Variants in NEK11 observed in about 807,000 individuals in gnomAD.
NEK11 encodes the protein NIMA related kinase 11.
Under a neutral mutation model 80.7 loss-of-function variants are expected in NEK11, and 72 were observed. The observed-to-expected ratio is 0.89, with a 90% CI of 0.74 to 1.08. The LOEUF (loss-of-function observed/expected upper bound fraction) is 1.08. Among genes scored for constraint, NEK11 ranks in the 50% least tolerant of loss-of-function variants. The pLI is 0.00. For synonymous variants in NEK11, 251 were observed against 260.7 expected (o/e 0.96, Z 0.36); for missense variants, 764 against 763.6 (o/e 1.00, Z -0.01).
chr3:131,121,260 C>G (rs980249727), intron 5 of NEK11, among the ~76,000 whole-genome samples: 2 of 152,126 alleles, frequency 1.3e-5, no homozygotes, highest in African/African-American at 2.4e-5. Context: ...CATTGCAGAC[C>G]CTGTTTGCCT....
chr3:131,181,051 G>A (rs1270954893), intron 14 of NEK11, among the ~76,000 whole-genome samples: 1 of 152,190 alleles, frequency 6.6e-6, no homozygotes. Context: ...ATGTCCTAAG[G>A]CTGTCCTAAT....
intron 3 of NEK11, among the ~76,000 whole-genome samples, chr3:131,035,782 G>C (rs2065547236): frequency 6.6e-6 from 1 of 152,136 alleles, no homozygotes. Context: ...TAAGCAGGTG[G>C]AATAATTGGG....
intron 7 of NEK11, among the ~76,000 whole-genome samples, chr3:131,137,208 G>T (rs1035133039): frequency 6.6e-6 from 1 of 152,174 alleles, no homozygotes; most frequent in Non-Finnish European, 1.5e-5. Flanking sequence ...AGGCTTTCAT[G>T]ATCTTGGGGC....
intron 15 of NEK11, among the ~76,000 whole-genome samples, chr3:131,231,587 T>C (rs1388072193): frequency 1.3e-5 from 2 of 151,454 alleles, no homozygotes; most frequent in East Asian, 4.0e-4. Context: ...ATAGAGTAAT[T>C]TGTATTAGAG....
chr3:131,137,751 T>C (rs2085905590), intron 7 of NEK11, among the ~76,000 whole-genome samples: 1 of 152,186 alleles, frequency 6.6e-6, no homozygotes, highest in Non-Finnish European at 1.5e-5. Flanking sequence ...ATAACATAGC[T>C]AATAAATCCT....
chr3:131,155,977 C>T (rs779543638), intron 10 of NEK11, among the ~76,000 whole-genome samples: 14 of 152,052 alleles, frequency 9.2e-5, no homozygotes, highest in Non-Finnish European at 1.6e-4. Context: ...TGGTTTATTA[C>T]CTGCTATTTC....
At chr3:131,127,196 C>A (rs1483374210) in intron 5 of NEK11, among the ~76,000 whole-genome samples, 1 of 151,912 alleles carries the variant, frequency 6.6e-6, no homozygotes, top group Admixed American at 6.6e-5. Context: ...AACTCCTGAC[C>A]TCAGGTGATC....
chr3:131,202,247 A>C (rs1312880114), intron 14 of NEK11, among the ~76,000 whole-genome samples: 1 of 152,116 alleles, frequency 6.6e-6, no homozygotes, highest in East Asian at 1.9e-4. Flanking sequence ...GACGGGCTGG[A>C]CAGTGGGTGC....
At chr3:131,131,042 TC>T (rs1560553880) in intron 5 of NEK11, among the ~76,000 whole-genome samples, 2 of 152,302 alleles carry the variant, frequency 1.3e-5, no homozygotes, top group South Asian at 4.1e-4. Flanking sequence ...CCCCAGGTGA[TC>T]CACCCACCTC....
At chr3:131,236,026 A>T (rs2095424837) in intron 15 of NEK11, among the ~76,000 whole-genome samples, 1 of 152,224 alleles carries the variant, frequency 6.6e-6, no homozygotes, top group South Asian at 2.1e-4. Flanking sequence ...TGTGGGATTT[A>T]AATAAAAGTA....
intron 17 of NEK11, among the ~76,000 whole-genome samples, chr3:131,349,081 T>C (rs1466755416): frequency 1.3e-5 from 2 of 152,236 alleles, no homozygotes; most frequent in African/African-American, 4.8e-5. Context: ...GTTTTAGCCT[T>C]AGGGCCAAAA....
At chr3:131,338,917 T>TA (rs1242212591) in intron 17 of NEK11, among the ~76,000 whole-genome samples, 1 of 152,196 alleles carries the variant, frequency 6.6e-6, no homozygotes, top group Non-Finnish European at 1.5e-5. Context: ...AGGTGTGAGT[T>TA]AGATGGCTGA....
rs749657519 is a variant in NEK11, at chr3:131,228,682, CCA to C, written c.1555_1556del (p.Gln519ThrfsTer4). On this transcript the variant is annotated frameshift_variant, in exon 15 of 18. Transcript: ENST00000383366. LOFTEE classifies it high-confidence loss of function. The part of the protein sequence containing the change: ...EGSQPAYRTN[Q>X]QDSDIEALAR... ...GATCCCAGCCTGCTTACAGAACAAA[CCA>C]ACAGGTATGTAATGCTCCCTGTCGG... 6.2e-7 allele frequency: 1 copy of C among 1,612,258 alleles called. No individual in the cohort carries two copies.
chr3:131,081,506 A>G (rs1426755657), intron 4 of NEK11, among the ~76,000 whole-genome samples: 2 of 152,332 alleles, frequency 1.3e-5, no homozygotes, highest in Non-Finnish European at 2.9e-5. Flanking sequence ...GACAATGTGT[A>G]GCTGCAGTGT....
At chr3:131,054,816 T>C (rs1369636155) in intron 3 of NEK11, among the ~76,000 whole-genome samples, 2 of 151,642 alleles carry the variant, frequency 1.3e-5, no homozygotes, top group African/African-American at 4.8e-5. Flanking sequence ...CCGGTAGATA[T>C]GGAATTGCTG....
chr3:131,039,334 C>T (rs2066106688), intron 3 of NEK11, among the ~76,000 whole-genome samples: 2 of 152,186 alleles, frequency 1.3e-5, no homozygotes, highest in African/African-American at 4.8e-5. Flanking sequence ...ACTTTAATTT[C>T]CTGACCCCAA....
At chr3:131,171,606 A>G (rs1376984096) in intron 14 of NEK11, among the ~76,000 whole-genome samples, 1 of 152,214 alleles carries the variant, frequency 6.6e-6, no homozygotes, top group African/African-American at 2.4e-5. Context: ...CAGTTTTCTT[A>G]TCTATGAAAT....
chr3:131,098,567 C>A (rs935198723), intron 4 of NEK11, among the ~76,000 whole-genome samples: 3 of 149,886 alleles, frequency 2.0e-5, no homozygotes, highest in African/African-American at 4.9e-5. Flanking sequence ...CTGTTCATGT[C>A]CTTTGCCCAC....
chr3:131,151,987 A>G (rs541911401), intron 7 of NEK11, among the ~76,000 whole-genome samples: 44 of 152,186 alleles, frequency 2.9e-4, no homozygotes, highest in Non-Finnish European at 5.4e-4. Context: ...AATTAAAATT[A>G]TATTTTGCAT....
Sources: gnomAD v4.1 joint callset for allele counts (sites outside exome capture counted in the v4.1 genomes callset) on GRCh38, gnomAD v4.1.1 for gene constraint, MANE v1.5 for transcripts, NCBI Gene and HGNC (gene_info 2026-07-23, HGNC 2026-07-21) for gene names.